Variants in TBL1X observed in about 807,000 individuals in gnomAD.
TBL1X encodes F-box-like/WD repeat-containing protein TBL1X.
In TBL1X, 10 loss-of-function variants were observed where a neutral mutation model predicts 50.7. That is an observed-to-expected ratio of 0.20 (90% confidence interval 0.12 to 0.33). The LOEUF (loss-of-function observed/expected upper bound fraction) is 0.33, where lower values mean the gene tolerates loss of function less well. Ranked by LOEUF, TBL1X falls within the 10% of genes least tolerant of loss-of-function variation. The probability of loss-of-function intolerance (pLI) is 1.00; values close to 1 mark genes in which losing one functional copy is unlikely to be tolerated. For synonymous variants in TBL1X, 190 were observed against 214.7 expected (o/e 0.88, Z 1.01); for missense variants, 340 against 504.4 (o/e 0.67, Z 3.12).
intron 2 of TBL1X, among the ~76,000 whole-genome samples, chrX:9,575,231 A>G (rs1045118084): frequency 1.8e-5 from 2 of 110,784 alleles, no homozygotes; most frequent in Non-Finnish European, 3.8e-5. Flanking sequence ...CAAGAACAGC[A>G]TGGGGGAAAC....
chrX:9,707,121 G>A (rs2083213191), intron 13 of TBL1X, among the ~76,000 whole-genome samples: 1 of 111,215 alleles, frequency 9.0e-6, no homozygotes, highest in Non-Finnish European at 1.9e-5. Context: ...CAGGGTGGGG[G>A]TCCCTTGTTA....
At chrX:9,610,075 A>G (rs1370662286) in intron 2 of TBL1X, among the ~76,000 whole-genome samples, 1 of 112,564 alleles carries the variant, frequency 8.9e-6, no homozygotes, top group Non-Finnish European at 1.9e-5. Context: ...AGAGCTGCAT[A>G]TGAAACAAGA....
chrX:9,514,304 A>G (rs1290415063), intron 2 of TBL1X, among the ~76,000 whole-genome samples: 1 of 101,793 alleles, frequency 9.8e-6, no homozygotes, highest in African/African-American at 3.6e-5. Flanking sequence ...TCAAACCCAA[A>G]ACAAAAAAAC....
chrX:9,530,339 G>C (rs1202054972), intron 2 of TBL1X, among the ~76,000 whole-genome samples: 1 of 112,325 alleles, frequency 8.9e-6, no homozygotes, highest in African/African-American at 3.2e-5. Context: ...TTTTCCTTCT[G>C]TATTCAAGTT....
chrX:9,700,883 G>C, intron 12 of TBL1X, among the ~76,000 whole-genome samples: 1 of 111,863 alleles, frequency 8.9e-6, no homozygotes, highest in East Asian at 2.8e-4. Flanking sequence ...ATTTTGCCGA[G>C]TGACAAAAGC....
intron 1 of TBL1X, among the ~76,000 whole-genome samples, chrX:9,500,526 G>A (rs750392337): frequency 5.4e-4 from 60 of 111,727 alleles, no homozygotes; most frequent in African/African-American, 1.9e-3. Context: ...AACCCAGGAG[G>A]TGGAGGTTGC....
chrX:9,609,392 G>A, intron 2 of TBL1X, among the ~76,000 whole-genome samples: 1 of 101,210 alleles, frequency 9.9e-6, no homozygotes, highest in South Asian at 4.7e-4. Flanking sequence ...GCATTTTGGT[G>A]TGTTTTCTTC....
chrX:9,510,052 G>A (rs771441790), intron 2 of TBL1X, among the ~76,000 whole-genome samples: 2 of 111,387 alleles, frequency 1.8e-5, no homozygotes, highest in South Asian at 3.8e-4. Context: ...CTTTAATTGC[G>A]GTATAATCAC....
At chrX:9,657,771 T>C (rs755444759) in intron 5 of TBL1X, among the ~76,000 whole-genome samples, 1 of 112,658 alleles carries the variant, frequency 8.9e-6, no homozygotes, top group East Asian at 2.8e-4. Flanking sequence ...AGCAGACTCA[T>C]GGCAGTCTGA....
At chrX:9,610,186 C>A (rs1005300005) in intron 2 of TBL1X, among the ~76,000 whole-genome samples, 12 of 112,258 alleles carry the variant, frequency 1.1e-4, no homozygotes, top group South Asian at 3.7e-4. Context: ...TCCTGAAGGG[C>A]CCTGGTTGTG....
At chrX:9,571,875 T>C (rs755899998) in intron 2 of TBL1X, among the ~76,000 whole-genome samples, 22 of 112,749 alleles carry the variant, frequency 2.0e-4, no homozygotes, top group Non-Finnish European at 3.6e-4. Context: ...CTTGGTAGAA[T>C]GTCCTCAAGA....
intron 3 of TBL1X, among the ~76,000 whole-genome samples, chrX:9,652,735 C>T (rs1024760230): frequency 4.5e-5 from 5 of 110,106 alleles, no homozygotes; most frequent in African/African-American, 9.9e-5. Context: ...CCTTTGGTCA[C>T]AGCTACCCGG....
chrX:9,665,217 C>A (rs1405713367), intron 5 of TBL1X, among the ~76,000 whole-genome samples: 1 of 107,716 alleles, frequency 9.3e-6, no homozygotes, highest in Non-Finnish European at 1.9e-5. Context: ...AGGAGAAAGT[C>A]TGCCAAAAGC....
chrX:9,625,979 C>T (rs16985626), intron 2 of TBL1X, among the ~76,000 whole-genome samples: 4,071 of 111,148 alleles, frequency 0.037, 202 homozygotes, highest in African/African-American at 0.13. Flanking sequence ...TGTGGTGTAA[C>T]GGGAAGCTGA....
At chrX:9,705,827 C>T (rs1267552542) in intron 13 of TBL1X, among the ~76,000 whole-genome samples, 1 of 110,287 alleles carries the variant, frequency 9.1e-6, no homozygotes, top group Non-Finnish European at 1.9e-5. Flanking sequence ...TCAATTCTCT[C>T]ATTGCTCTAA....
intron 5 of TBL1X, among the ~76,000 whole-genome samples, chrX:9,673,963 G>T (rs772332283): frequency 4.5e-5 from 5 of 112,106 alleles, no homozygotes; most frequent in Admixed American, 9.4e-5. Flanking sequence ...TTACTTGGGA[G>T]GCTGAGGCAG....
chrX:9,473,843 G>A (rs1027777675), intron 1 of TBL1X, among the ~76,000 whole-genome samples: 2 of 112,515 alleles, frequency 1.8e-5, no homozygotes, highest in African/African-American at 6.5e-5. Context: ...TCATAAGTTC[G>A]TGAAAATAAG....
At chrX:9,517,072 G>C (rs1316519571) in intron 2 of TBL1X, among the ~76,000 whole-genome samples, 1 of 111,673 alleles carries the variant, frequency 9.0e-6, no homozygotes, top group Non-Finnish European at 1.9e-5. Flanking sequence ...CAGAAGAAAC[G>C]TGGTAGGAAG....
chrX:9,648,108 T>C (rs17255167), intron 3 of TBL1X, among the ~76,000 whole-genome samples: 32,355 of 109,399 alleles, frequency 0.3, 3,763 homozygotes, highest in Non-Finnish European at 0.34. Context: ...TCTCTGGCGC[T>C]TGGCCAAAGG....
Sources: gnomAD v4.1 joint callset for allele counts (sites outside exome capture counted in the v4.1 genomes callset) on GRCh38, gnomAD v4.1.1 for gene constraint, MANE v1.5 for transcripts, NCBI Gene and HGNC (gene_info 2026-07-23, HGNC 2026-07-21) for gene names.